The following MYO9A variants were observed in gnomAD, a reference collection of about 807,000 sequenced individuals.
MYO9A encodes myosin IXA.
MYO9A carries 103 observed loss-of-function variants against 293.3 expected under a neutral mutation model. The observed-to-expected ratio is 0.35, with a 90% CI of 0.30 to 0.41. The LOEUF is 0.41. Among genes scored for constraint, MYO9A ranks in the 10% least tolerant of loss-of-function variants. The pLI, the probability that MYO9A is intolerant of heterozygous loss-of-function variation, is 1.00. For synonymous variants in MYO9A, 1,001 were observed against 1,035.7 expected, an observed-to-expected ratio of 0.97 and a Z score of 0.64; for missense variants, 2,685 against 3,033.0, an observed-to-expected ratio of 0.89 and a Z score of 2.69.
chr15:72,101,471 G>C (rs1158330894), intron 1 of MYO9A, among the ~76,000 whole-genome samples: 2 of 118,556 alleles, frequency 1.7e-5, no homozygotes, highest in African/African-American at 3.2e-5. Context: ...AGGTGGCGGG[G>C]TCAGCCCCCC....
intron 1 of MYO9A, among the ~76,000 whole-genome samples, chr15:72,087,119 A>G (rs1399867391): frequency 1.3e-5 from 2 of 152,206 alleles, no homozygotes; most frequent in Non-Finnish European, 2.9e-5. Context: ...CAGGTCAGCC[A>G]GCCCAGGAGC....
chr15:72,038,196 T>TAC (rs2078114885), intron 2 of MYO9A, among the ~76,000 whole-genome samples: 1 of 152,194 alleles, frequency 6.6e-6, no homozygotes, highest in South Asian at 2.1e-4. Flanking sequence ...GTGCTGGGAT[T>TAC]ACAGGCATGA....
chr15:72,090,961 A>G (rs968234977), intron 1 of MYO9A, among the ~76,000 whole-genome samples: 1 of 150,790 alleles, frequency 6.6e-6, no homozygotes, highest in East Asian at 1.9e-4. Context: ...CACGAGTTCA[A>G]GAACAGCTTC....
chr15:71,869,161 G>C (rs1214494398), intron 32 of MYO9A, among the ~76,000 whole-genome samples: 1 of 152,180 alleles, frequency 6.6e-6, no homozygotes, highest in African/African-American at 2.4e-5. Flanking sequence ...TGAGGAATAA[G>C]AGGACACTTA....
chr15:72,028,921 C>T lies in MYO9A; in HGVS notation c.936-1128G>A, dbSNP rs554740703. ...GGAAATAAGTGATCTACTGCCTGTT[C>T]TCAAATGACTTACAAATTAGTAGAG... On this transcript the variant is annotated intron_variant, in intron 3 of 41. Transcript: ENST00000356056. Among the ~76,000 whole-genome samples, 203 of 152,256 alleles carry T rather than the reference C, an allele frequency of 1.3e-3. 2 individuals carry two copies. The highest frequency in any genetic ancestry group is 2.2e-3 in the Non-Finnish European group (150 of 68,018).
intron 39 of MYO9A, among the ~76,000 whole-genome samples, chr15:71,842,683 C>G (rs1010973283): frequency 6.6e-6 from 1 of 151,882 alleles, no homozygotes; most frequent in African/African-American, 2.4e-5. Context: ...CACGGTGAAA[C>G]CCCGTCTTTA....
At chr15:71,971,708 C>T (rs912060746) in intron 12 of MYO9A, among the ~76,000 whole-genome samples, 2 of 151,590 alleles carry the variant, frequency 1.3e-5, no homozygotes, top group Non-Finnish European at 2.9e-5. Flanking sequence ...TTGCCTTCTG[C>T]ATACAAGAAA....
intron 27 of MYO9A, 84 bp from the exon 28 acceptor site, chr15:71,883,820 T>A: frequency 8.1e-7 from 1 of 1,237,580 alleles, no homozygotes; most frequent in East Asian, 2.5e-5. Flanking sequence ...GCTTTACAAA[T>A]CTTCTATGTA....
intron 16 of MYO9A, 87 bp downstream of exon 16, chr15:71,938,765 T>A: frequency 8.3e-7 from 1 of 1,203,510 alleles, no homozygotes; most frequent in South Asian, 1.5e-5. Flanking sequence ...CTGAATTACT[T>A]CAAACTTTTA....
chr15:72,016,953 A>C (rs2077358566), intron 6 of MYO9A, among the ~76,000 whole-genome samples: 1 of 151,398 alleles, frequency 6.6e-6, no homozygotes, highest in African/African-American at 2.4e-5. Context: ...AATAAATGAA[A>C]CTGGAAAATA....
intron 2 of MYO9A, chr15:72,045,196 C>T (rs1027626315): frequency 6.6e-6 from 1 of 152,192 alleles, no homozygotes; most frequent in Non-Finnish European, 1.5e-5. Context: ...GCTTCTCAGC[C>T]TTTTGGCTAA....
chr15:72,087,847 T>C (rs2079789376), intron 1 of MYO9A, among the ~76,000 whole-genome samples: 1 of 152,252 alleles, frequency 6.6e-6, no homozygotes, highest in African/African-American at 2.4e-5. Flanking sequence ...TTTATACTAC[T>C]GTCGTTATGT....
At chr15:71,932,500 C>T (rs894628651) in intron 18 of MYO9A, among the ~76,000 whole-genome samples, 9 of 151,656 alleles carry the variant, frequency 5.9e-5, no homozygotes, top group African/African-American at 2.2e-4. Flanking sequence ...ACTCAGGAAA[C>T]GCTGGAACTC....
intron 8 of MYO9A, 40 bp from the exon 9 acceptor site, chr15:71,999,980 G>T: frequency 1.3e-6 from 2 of 1,508,720 alleles, no homozygotes; most frequent in Non-Finnish European, 1.8e-6. Context: ...TAAGATTTAT[G>T]ACAATAGGTT....
intron 18 of MYO9A, among the ~76,000 whole-genome samples, chr15:71,926,662 G>C (rs1047239182): frequency 3.3e-5 from 5 of 152,186 alleles, no homozygotes; most frequent in Admixed American, 6.5e-5. Context: ...AGCCACGATC[G>C]TACCACTGTA....
rs747497168 is a variant in MYO9A at position 71,883,546 on chromosome 15, A to T, written c.5398+48T>A. ...ACAGGAATAGCAAACTTTCAGAAAG[A>T]GTGAACAGAAATTATGAACACAAGT... is the stretch of plus-strand genomic sequence containing the variant. On this transcript the variant is annotated intron_variant, in intron 28 of 41. Transcript: ENST00000356056. 2.5e-6 allele frequency: 4 copies of T among 1,571,370 alleles called. No individual in the cohort carries two copies. The East Asian group carries it at 9.0e-5, about 35-fold the overall frequency.
rs1469544280 is a variant in MYO9A, at chr15:71,897,842, A to C, written c.4661T>G (p.Val1554Gly). 2 of 1,613,796 alleles carry C rather than the reference A, an allele frequency of 1.2e-6. No homozygotes were observed. The highest frequency in any genetic ancestry group is 1.7e-5 in the Admixed American group (1 of 59,968). The change falls in exon 25 of 42, where the codon GTA becomes GGA. Residue 1554 changes from valine to glycine, a missense_variant. Val to Gly is a moderately radical substitution (Grantham distance 109). Around this residue, in one of 10 missense-constraint regions of MYO9A, gnomAD observed 1,434 missense variants for 1,497.7 expected, o/e 0.96. Transcript: ENST00000356056. The part of the protein sequence containing the change: ...APSSYQSKQR[V>G]ERPSSLLSLN... ...GCTGAGGAGAGAGGATGGCCTCTCT[A>C]CTCTTTGCTTTGACTGATAGGAAGA...
chr15:71,935,495 T>A lies in MYO9A; in HGVS notation c.2379-11A>T. The stretch of plus-strand genomic sequence containing the variant: ...ATATCAAATGTATCACTGTAAAAAA[T>A]ATAATTTGCTTTAGTTAATGAAGAC... On this transcript the variant is annotated splice_polypyrimidine_tract_variant and intron_variant, in intron 16 of 41. Transcript: ENST00000356056. 6.2e-7 allele frequency: 1 copy of A among 1,611,658 alleles called. No homozygotes were observed.
Position 71,898,980 on chromosome 15 carries a change from A to G in MYO9A, c.3523T>C (p.Leu1175=). ...RLRETKPEVG[L]VNIKGYGSLE... Reference sequence around the variant, plus strand: ...GATCCATATCCCTTAATATTCACCAATCCAACTTCTGGCTTTGTTTCTCTT... The same window carrying G: ...GATCCATATCCCTTAATATTCACCAGTCCAACTTCTGGCTTTGTTTCTCTT... Residue 1175 remains leucine, a synonymous_variant, in exon 25 of 42, where the codon TTG becomes CTG. Coordinates refer to ENST00000356056, the MANE Select transcript of MYO9A (RefSeq NM_006901.4). The G allele has an allele frequency of 6.2e-7, 1 of 1,613,204 alleles. No homozygotes were observed.
Sources: allele counts gnomAD v4.1 joint callset (sites outside exome capture counted in the v4.1 genomes callset), GRCh38; gene constraint gnomAD v4.1.1; regional missense constraint gnomAD v4.1.1; transcripts MANE v1.5; gene names NCBI Gene and HGNC (gene_info 2026-07-23, HGNC 2026-07-21).